The following KCNJ3 variants were observed in gnomAD, a reference collection of about 807,000 sequenced individuals.
KCNJ3 encodes potassium inwardly rectifying channel subfamily J member 3, also known as G protein-activated inward rectifier potassium channel 1.
KCNJ3 carries 4 observed loss-of-function variants against 39.2 expected under a neutral mutation model. The observed-to-expected ratio is 0.10, with a 90% CI of 0.05 to 0.23. The LOEUF is 0.23. Ranked by LOEUF, KCNJ3 falls within the 10% of genes least tolerant of loss-of-function variation. The probability of loss-of-function intolerance (pLI) is 1.00; values close to 1 mark genes in which losing one functional copy is unlikely to be tolerated. For synonymous variants in KCNJ3, 230 were observed against 237.4 expected (o/e 0.97, Z 0.29); for missense variants, 276 against 634.9 (o/e 0.43, Z 6.08).
At chr2:154,716,050 CAT>C (rs1420317678) in intron 2 of KCNJ3, among the ~76,000 whole-genome samples, 3 of 152,134 alleles carry the variant, frequency 2.0e-5, no homozygotes, top group Non-Finnish European at 4.4e-5. Context: ...CCCGTTTCCT[CAT>C]ACCCTTGCTA....
At chr2:154,724,777 C>A (rs1685319827) in intron 2 of KCNJ3, among the ~76,000 whole-genome samples, 1 of 150,328 alleles carries the variant, frequency 6.7e-6, no homozygotes. Flanking sequence ...CTCTATACTA[C>A]TATTATACCT....
At chr2:154,806,512 A>T (rs1333997646) in intron 2 of KCNJ3, among the ~76,000 whole-genome samples, 2 of 152,204 alleles carry the variant, frequency 1.3e-5, no homozygotes, top group Non-Finnish European at 2.9e-5. Context: ...TGACCTATTT[A>T]GTTGCTTATG....
chr2:154,821,254 A>T (rs2105110173), intron 2 of KCNJ3, among the ~76,000 whole-genome samples: 1 of 152,248 alleles, frequency 6.6e-6, no homozygotes, highest in African/African-American at 2.4e-5. Flanking sequence ...CAAAAAGCCC[A>T]AATTTCTCTC....
chr2:154,758,906 CT>C (rs1359618608), intron 2 of KCNJ3, among the ~76,000 whole-genome samples: 2 of 152,098 alleles, frequency 1.3e-5, no homozygotes, highest in Non-Finnish European at 2.9e-5. Context: ...CTTGACAGCT[CT>C]TTTTTAAGCT....
At chr2:154,785,617 G>A (rs548262538) in intron 2 of KCNJ3, among the ~76,000 whole-genome samples, 155 of 152,236 alleles carry the variant, frequency 1.0e-3, no homozygotes, top group Non-Finnish European at 1.7e-3. Flanking sequence ...TTTTGCTAAT[G>A]TGCTTACCCT....
chr2:154,809,888 TTATA>T lies in KCNJ3; in HGVS notation c.920-44825_920-44822del, dbSNP rs35622339. Among the ~76,000 whole-genome samples, 1,436 of 149,732 alleles carry T rather than the reference TTATA, an allele frequency of 9.6e-3. 9 individuals carry two copies. The highest frequency in any genetic ancestry group is 0.045 in the Middle Eastern group (13 of 288). On this transcript the variant is annotated intron_variant, in intron 2 of 2. Transcript: ENST00000295101. Reference sequence around the variant, plus strand: ...ATGAAATTCTATATCATAGAAAATATTATATATATATATATATGCACACACACAT... The same window carrying T: ...ATGAAATTCTATATCATAGAAAATATTATATATATATATGCACACACACAT...
intron 2 of KCNJ3, among the ~76,000 whole-genome samples, chr2:154,777,474 T>C (rs1391349520): frequency 1.3e-5 from 2 of 152,206 alleles, no homozygotes; most frequent in African/African-American, 4.8e-5. Flanking sequence ...TTATAACTTA[T>C]CTTCCTTTTC....
At chr2:154,754,398 C>T (rs1350554840) in intron 2 of KCNJ3, among the ~76,000 whole-genome samples, 2 of 152,032 alleles carry the variant, frequency 1.3e-5, no homozygotes, top group East Asian at 1.9e-4. Context: ...CTCAGCCTCC[C>T]GAGTAGCTGG....
chr2:154,725,601 C>A (rs1195768082), intron 2 of KCNJ3, among the ~76,000 whole-genome samples: 1 of 151,866 alleles, frequency 6.6e-6, no homozygotes, highest in African/African-American at 2.4e-5. Context: ...AGGAAAAAAG[C>A]AATTCTAAAA....
At chr2:154,713,054 AGT>A (rs1685127330) in intron 2 of KCNJ3, among the ~76,000 whole-genome samples, 1 of 151,872 alleles carries the variant, frequency 6.6e-6, no homozygotes, top group South Asian at 2.1e-4. Context: ...CCATGTGGAG[AGT>A]GGGGTGAGAA....
intron 2 of KCNJ3, among the ~76,000 whole-genome samples, chr2:154,776,401 A>G (rs1277299345): frequency 5.9e-5 from 9 of 152,148 alleles, no homozygotes; most frequent in Non-Finnish European, 8.8e-5. Context: ...TGGGGAAGGA[A>G]CTTGAACAAA....
chr2:154,701,469 G>A (rs1684895630), intron 1 of KCNJ3, among the ~76,000 whole-genome samples: 1 of 152,068 alleles, frequency 6.6e-6, no homozygotes, highest in East Asian at 1.9e-4. Context: ...TAACCTATAT[G>A]TTAGTTTTTG....
chr2:154,744,638 G>A (rs1431536602), intron 2 of KCNJ3, among the ~76,000 whole-genome samples: 1 of 151,640 alleles, frequency 6.6e-6, no homozygotes, highest in Non-Finnish European at 1.5e-5. Context: ...CCTTGTTAAC[G>A]TTTAGATGTC....
chr2:154,764,760 G>T (rs1009668792), intron 2 of KCNJ3, among the ~76,000 whole-genome samples: 2 of 151,908 alleles, frequency 1.3e-5, no homozygotes, highest in African/African-American at 2.4e-5. Flanking sequence ...GTATAAATTT[G>T]TGTTGGACCT....
chr2:154,826,503 T>C (rs557259464), intron 2 of KCNJ3, among the ~76,000 whole-genome samples: 2 of 152,358 alleles, frequency 1.3e-5, no homozygotes, highest in East Asian at 3.9e-4. Context: ...AACTTAATGT[T>C]GGAAAGGCCA....
At chr2:154,753,750 A>G (rs1280249182) in intron 2 of KCNJ3, among the ~76,000 whole-genome samples, 1 of 152,200 alleles carries the variant, frequency 6.6e-6, no homozygotes, top group African/African-American at 2.4e-5. Flanking sequence ...TTTAAACATC[A>G]TTCAGAAGAC....
In KCNJ3 at chr2:154,746,642, G is replaced by GTA. The variant is rs1246950416; in HGVS notation, c.919+36831_919+36832dup. Among the ~76,000 whole-genome samples the GTA allele has an allele frequency of 6.2e-5, 9 of 146,312 alleles. No individual in the cohort carries two copies. The South Asian group carries it at 1.7e-3, about 28-fold the overall frequency. On this transcript the variant is annotated intron_variant, in intron 2 of 2. Coordinates refer to ENST00000295101, the MANE Select transcript of KCNJ3 (RefSeq NM_002239.4). ...TATATATATATATATGTATATATGT[G>GTA]TATATATATGTGTGTGTGTGTGTGT...
chr2:154,711,002 C>T lies in KCNJ3; in HGVS notation c.919+1183C>T, dbSNP rs537017694. On this transcript the variant is annotated intron_variant, in intron 2 of 2. Transcript: ENST00000295101. Reference sequence around the variant, plus strand: ...GGATGATATAATAACCACCTCAAAGCTGCTTGTAGTATTTTAAACTGAAGC... The same window carrying T: ...GGATGATATAATAACCACCTCAAAGTTGCTTGTAGTATTTTAAACTGAAGC... 1.8e-4 allele frequency among the ~76,000 whole-genome samples: 27 copies of T among 152,152 alleles called. No individual in the cohort carries two copies. The South Asian group carries it at 3.1e-3, about 18-fold the overall frequency.
At chr2:154,791,508 A>G (rs1389805415) in intron 2 of KCNJ3, among the ~76,000 whole-genome samples, 1 of 152,064 alleles carries the variant, frequency 6.6e-6, no homozygotes. Context: ...TCACACAGTT[A>G]GTGGATGGCA....
Sources: gnomAD v4.1 joint callset for allele counts (sites outside exome capture counted in the v4.1 genomes callset) on GRCh38, gnomAD v4.1.1 for gene constraint, MANE v1.5 for transcripts, NCBI Gene and HGNC (gene_info 2026-07-23, HGNC 2026-07-21) for gene names.